Variants in CFAP299 observed in about 807,000 individuals in gnomAD.
CFAP299 encodes cilia- and flagella-associated protein 299.
CFAP299 carries 21 observed loss-of-function variants against 27.0 expected under a neutral mutation model. The observed-to-expected ratio is 0.78, with a 90% CI of 0.55 to 1.12. CFAP299 has a LOEUF of 1.12. Ranked by LOEUF, CFAP299 falls within the 50% of genes most tolerant of loss-of-function variation. The pLI is 0.00. For missense variants in CFAP299, 310 were observed against 276.6 expected (o/e 1.12, Z -0.86); for synonymous variants, 104 against 98.1 (o/e 1.06, Z -0.36).
intron 2 of CFAP299, chr4:80,386,620 A>G: frequency 6.3e-7 from 1 of 1,598,338 alleles, no homozygotes; most frequent in Admixed American, 1.7e-5. Context: ...TGGCACAGCC[A>G]GCATAGCGGA....
At chr4:80,820,271 T>A (rs997668137) in intron 3 of CFAP299, among the ~76,000 whole-genome samples, 1 of 152,164 alleles carries the variant, frequency 6.6e-6, no homozygotes, top group African/African-American at 2.4e-5. Flanking sequence ...ATTTAATAAA[T>A]ATTTATTGAA....
chr4:80,940,699 C>A (rs1023622943), intron 4 of CFAP299, among the ~76,000 whole-genome samples: 1 of 152,078 alleles, frequency 6.6e-6, no homozygotes, highest in Non-Finnish European at 1.5e-5. Flanking sequence ...CAAAAAGTTA[C>A]CTTCGTGAGT....
At chr4:80,695,277 A>G (rs1161247520) in intron 3 of CFAP299, among the ~76,000 whole-genome samples, 1 of 152,212 alleles carries the variant, frequency 6.6e-6, no homozygotes, top group Non-Finnish European at 1.5e-5. Context: ...TCATTATCAT[A>G]TCTTCCAAGT....
intron 4 of CFAP299, chr4:80,870,852 T>C (rs1733042945): frequency 1.0e-6 from 1 of 985,148 alleles, no homozygotes; most frequent in African/African-American, 1.7e-5. Context: ...ATGCCTGTTA[T>C]CCTCTATCCA....
At chr4:80,463,926 C>T (rs190670122) in intron 2 of CFAP299, among the ~76,000 whole-genome samples, 25 of 152,168 alleles carry the variant, frequency 1.6e-4, no homozygotes, top group South Asian at 1.2e-3. Context: ...CAACTGGACC[C>T]GCTCTTCATT....
At chr4:80,692,826 T>G (rs191414795) in intron 3 of CFAP299, among the ~76,000 whole-genome samples, 2 of 152,060 alleles carry the variant, frequency 1.3e-5, no homozygotes, top group African/African-American at 4.8e-5. Context: ...CCAGAATCTA[T>G]AATGAACTCA....
At chr4:80,554,762 T>C (rs1275302694) in intron 2 of CFAP299, among the ~76,000 whole-genome samples, 2 of 152,092 alleles carry the variant, frequency 1.3e-5, no homozygotes, top group African/African-American at 4.8e-5. Flanking sequence ...TGTGTGACAG[T>C]TGTGAATGGG....
In CFAP299 at chr4:80,375,075, G is replaced by T. The variant is rs145234287; in HGVS notation, c.242+12191G>T. Among the ~76,000 whole-genome samples the T allele has an allele frequency of 3.1e-3, 467 of 152,146 alleles. 4 individuals carry two copies. Among genetic ancestry groups the T allele is most frequent in the African/African-American group, 0.01 (433 of 41,530 alleles). On this transcript the variant is annotated intron_variant, in intron 2 of 5. Coordinates refer to ENST00000358105, the MANE Select transcript of CFAP299 (RefSeq NM_152770.3). ...AGAAACCTGGAACAAGCAATGGCCC[G>T]CACCAAGTGCAGTTCAAAGGCCTAA...
At chr4:80,436,727 A>G (rs1179700214) in intron 2 of CFAP299, among the ~76,000 whole-genome samples, 3 of 152,100 alleles carry the variant, frequency 2.0e-5, no homozygotes, top group Non-Finnish European at 4.4e-5. Context: ...TTTTGGGGGG[A>G]AAATAGAGAA....
intron 3 of CFAP299, among the ~76,000 whole-genome samples, chr4:80,757,876 C>T (rs970604326): frequency 1.3e-5 from 2 of 152,108 alleles, no homozygotes; most frequent in African/African-American, 4.8e-5. Flanking sequence ...GGGAAAAACT[C>T]CACTCACTGG....
chr4:80,924,538 G>A (rs56063514), intron 4 of CFAP299, among the ~76,000 whole-genome samples: 4,117 of 131,486 alleles, frequency 0.031, 114 homozygotes, highest in African/African-American at 0.086. Context: ...GTGTGTGTGT[G>A]TATATATATA....
intron 2 of CFAP299, among the ~76,000 whole-genome samples, chr4:80,531,747 G>GTTTTTTTTTT (rs200507684): frequency 8.6e-6 from 1 of 116,488 alleles, no homozygotes; most frequent in African/African-American, 3.4e-5. Context: ...TAAGATAGAA[G>GTTTTTTTTTT]TTTTTTTTTT....
intron 2 of CFAP299, among the ~76,000 whole-genome samples, chr4:80,448,197 A>ACT (rs1728736603): frequency 6.6e-6 from 1 of 152,142 alleles, no homozygotes; most frequent in Non-Finnish European, 1.5e-5. Flanking sequence ...CCTTTAGTGC[A>ACT]CTCCATGGTA....
At chr4:80,575,799 C>T (rs1019714478) in intron 2 of CFAP299, among the ~76,000 whole-genome samples, 11 of 152,014 alleles carry the variant, frequency 7.2e-5, no homozygotes, top group East Asian at 1.9e-4. Flanking sequence ...GTACTGCTTT[C>T]GCTGAATCCC....
intron 3 of CFAP299, among the ~76,000 whole-genome samples, chr4:80,837,897 A>C (rs576935587): frequency 6.6e-6 from 1 of 152,340 alleles, no homozygotes; most frequent in East Asian, 1.9e-4. Context: ...ACAGTGTAAA[A>C]GCTTTCCTAT....
At chr4:80,513,700 G>T (rs1732433333) in intron 2 of CFAP299, among the ~76,000 whole-genome samples, 1 of 152,096 alleles carries the variant, frequency 6.6e-6, no homozygotes, top group Non-Finnish European at 1.5e-5. Flanking sequence ...AATGTGTAAT[G>T]ATGGTAAATG....
intron 3 of CFAP299, among the ~76,000 whole-genome samples, chr4:80,856,395 C>T (rs1344467525): frequency 6.6e-6 from 1 of 151,298 alleles, no homozygotes; most frequent in African/African-American, 2.4e-5. Context: ...TGTGCAGAAG[C>T]TCTTTAGTTT....
chr4:80,800,805 A>C (rs1442315443), intron 3 of CFAP299, among the ~76,000 whole-genome samples: 1 of 136,838 alleles, frequency 7.3e-6, no homozygotes, highest in African/African-American at 2.9e-5. Flanking sequence ...ATATGAGTTT[A>C]GTAAGTATTA....
chr4:80,591,186 G>C (rs1481451092), intron 3 of CFAP299, among the ~76,000 whole-genome samples: 1 of 144,640 alleles, frequency 6.9e-6, no homozygotes, highest in Non-Finnish European at 1.5e-5. Context: ...TGCAGTGGCG[G>C]GATCTAGGCT....
Sources: gnomAD v4.1 joint callset for allele counts (sites outside exome capture counted in the v4.1 genomes callset) on GRCh38, gnomAD v4.1.1 for gene constraint, MANE v1.5 for transcripts, NCBI Gene and HGNC (gene_info 2026-07-23, HGNC 2026-07-21) for gene names.